DYM: variants seen among roughly 807,000 people sequenced by gnomAD.
DYM encodes dymeclin, also known as dyggve-Melchior-Clausen syndrome protein.
A neutral mutation model predicts 93.1 loss-of-function variants in DYM; 78 were observed. The observed-to-expected ratio is 0.84, with a 90% CI of 0.70 to 1.01. The LOEUF is 1.01. Among genes scored for constraint, DYM ranks in the 50% least tolerant of loss-of-function variants. The pLI, the probability that DYM is intolerant of heterozygous loss-of-function variation, is 0.00. For synonymous variants in DYM, 321 were observed against 319.7 expected (o/e 1.00, Z -0.04); for missense variants, 789 against 845.0 (o/e 0.93, Z 0.82).
At chr18:49,286,048 T>C (rs573549155) in intron 9 of DYM, among the ~76,000 whole-genome samples, 28 of 147,254 alleles carry the variant, frequency 1.9e-4, no homozygotes, top group Non-Finnish European at 3.0e-5. Context: ...TGTTCTAATC[T>C]TTTTTTTTTG....
rs376848041 is a variant in DYM at position 49,257,811 on chromosome 18, G to A, written c.1365+569C>T. Among the ~76,000 whole-genome samples the A allele has an allele frequency of 1.6e-4, 24 of 151,734 alleles. No individual in the cohort carries two copies. In the East Asian group the frequency reaches 3.7e-3, roughly 23 times the overall value. ...TACAGTGAGCTATGATTGTGCCACT[G>A]CACTCCTGTGCAGCCTAGGCTGAAG... On this transcript the variant is annotated intron_variant, in intron 12 of 17. Coordinates refer to ENST00000675505, the MANE Select transcript of DYM (RefSeq NM_001353214.3).
chr18:49,108,806 A>C (rs1014349521), intron 16 of DYM, among the ~76,000 whole-genome samples: 1 of 152,160 alleles, frequency 6.6e-6, no homozygotes, highest in African/African-American at 2.4e-5. Flanking sequence ...ATTACTGAGA[A>C]AGAAGTGTTG....
Position 49,122,150 on chromosome 18 carries a change from A to T in DYM, c.1729-3224T>A, listed in dbSNP as rs531674493. On this transcript the variant is annotated intron_variant, in intron 15 of 17. Transcript: ENST00000675505. The stretch of plus-strand genomic sequence containing the variant: ...TTCCTTGTTTCTATGAATAAGGCTG[A>T]TAAGTCTCCTGGTAGATGTGTTATA... 8.5e-5 allele frequency among the ~76,000 whole-genome samples: 13 copies of T among 152,318 alleles called. No homozygotes were observed. The East Asian group carries it at 2.5e-3, about 29-fold the overall frequency.
At chr18:49,417,143 T>C (rs1290542895) in intron 2 of DYM, among the ~76,000 whole-genome samples, 4 of 152,000 alleles carry the variant, frequency 2.6e-5, no homozygotes, top group Non-Finnish European at 5.9e-5. Context: ...GTGGTAGCGG[T>C]GGTGTTGGTG....
chr18:49,315,288 T>G (rs2061856373), intron 8 of DYM, among the ~76,000 whole-genome samples: 1 of 152,168 alleles, frequency 6.6e-6, no homozygotes, highest in African/African-American at 2.4e-5. Flanking sequence ...TTCCATAAAT[T>G]TAAATTCCCA....
At chr18:49,129,519 T>C (rs1410134038) in intron 15 of DYM, among the ~76,000 whole-genome samples, 1 of 152,072 alleles carries the variant, frequency 6.6e-6, no homozygotes, top group East Asian at 1.9e-4. Flanking sequence ...AAGGAAGAAG[T>C]GGTGTCCACA....
intron 3 of DYM, among the ~76,000 whole-genome samples, chr18:49,388,481 T>A (rs2068851226): frequency 6.6e-6 from 1 of 151,552 alleles, no homozygotes; most frequent in South Asian, 2.1e-4. Context: ...AACAAAACAT[T>A]GAACAGAAGT....
chr18:49,283,677 C>T (rs754174757), intron 9 of DYM, among the ~76,000 whole-genome samples: 5 of 152,174 alleles, frequency 3.3e-5, no homozygotes, highest in Admixed American at 1.3e-4. Flanking sequence ...AATATTTTTA[C>T]GTTCTAAAAA....
At chr18:49,179,536 C>T (rs1421729806) in intron 14 of DYM, among the ~76,000 whole-genome samples, 1 of 152,128 alleles carries the variant, frequency 6.6e-6, no homozygotes, top group East Asian at 1.9e-4. Context: ...CTGTCAAAAC[C>T]ATAAAGTTAT....
At chr18:49,308,833 G>A (rs926533438) in intron 8 of DYM, among the ~76,000 whole-genome samples, 1 of 152,056 alleles carries the variant, frequency 6.6e-6, no homozygotes, top group Non-Finnish European at 1.5e-5. Flanking sequence ...GGCTTCCTGA[G>A]GTTCTACTGC....
Position 49,037,069 on chromosome 18 carries a change from T to C in DYM, c.*6986A>G, listed in dbSNP as rs2070731824. Among the ~76,000 whole-genome samples the C allele has an allele frequency of 6.6e-6, 1 of 152,064 alleles. No homozygotes were observed. The highest frequency in any genetic ancestry group is 1.5e-5 in the Non-Finnish European group (1 of 68,016). ...GATGCCCACCACCACGCCCAGCTAA[T>C]TTTTGTATTTTTAGTAGAGACGGGG... is the stretch of plus-strand genomic sequence containing the variant. On this transcript the variant is annotated 3_prime_UTR_variant, in exon 18 of 18. Coordinates refer to ENST00000675505, the MANE Select transcript of DYM (RefSeq NM_001353214.3).
At chr18:49,252,632 G>A (rs1040621705) in intron 13 of DYM, among the ~76,000 whole-genome samples, 1 of 152,128 alleles carries the variant, frequency 6.6e-6, no homozygotes, top group African/African-American at 2.4e-5. Flanking sequence ...TAAAGTCATA[G>A]ACATATATGT....
intron 10 of DYM, among the ~76,000 whole-genome samples, chr18:49,276,970 G>A (rs1202437125): frequency 6.6e-6 from 1 of 152,136 alleles, no homozygotes; most frequent in East Asian, 1.9e-4. Flanking sequence ...AAGATAATAA[G>A]GAGAGAAAAT....
Position 49,233,313 on chromosome 18 carries a change from C to T in DYM, c.1461-23598G>A, listed in dbSNP as rs1429047232. On this transcript the variant is annotated intron_variant, in intron 13 of 17. Transcript: ENST00000675505. ...GGGAGAGGCTTCAGTGAGCCGAGAT[C>T]AAGCTACTGCACTCCATCCTGGGTG... is the stretch of plus-strand genomic sequence containing the variant. Among the ~76,000 whole-genome samples the T allele has an allele frequency of 2.7e-5, 4 of 147,214 alleles. No homozygotes were observed. The East Asian group carries it at 8.0e-4, about 30-fold the overall frequency.
chr18:49,064,368 C>T (rs1024346291), intron 17 of DYM, among the ~76,000 whole-genome samples: 4 of 152,128 alleles, frequency 2.6e-5, no homozygotes, highest in Non-Finnish European at 5.9e-5. Context: ...TTATTCTATC[C>T]TCCTCAGAAG....
At chr18:49,295,457 A>G (rs2060467613) in intron 8 of DYM, among the ~76,000 whole-genome samples, 2 of 152,194 alleles carry the variant, frequency 1.3e-5, no homozygotes, top group Non-Finnish European at 2.9e-5. Flanking sequence ...CCTTAAAAGG[A>G]AGCTATTTTC....
intron 8 of DYM, among the ~76,000 whole-genome samples, chr18:49,312,388 T>C (rs2061651620): frequency 6.6e-6 from 1 of 152,202 alleles, no homozygotes. Flanking sequence ...GACCCTTTCC[T>C]AATTGGTTTT....
At chr18:49,355,757 G>T (rs1421850911) in intron 6 of DYM, among the ~76,000 whole-genome samples, 1 of 151,676 alleles carries the variant, frequency 6.6e-6, no homozygotes, top group East Asian at 1.9e-4. Context: ...TGTACTTTCT[G>T]CTCAATTTTG....
intron 8 of DYM, among the ~76,000 whole-genome samples, chr18:49,317,453 A>T (rs1045131727): frequency 6.6e-6 from 1 of 152,082 alleles, no homozygotes; most frequent in Non-Finnish European, 1.5e-5. Context: ...ATGGGGCAAC[A>T]GTGAGAAGTG....
Sources: gnomAD v4.1 joint callset for allele counts (sites outside exome capture counted in the v4.1 genomes callset) on GRCh38, gnomAD v4.1.1 for gene constraint, MANE v1.5 for transcripts, NCBI Gene and HGNC (gene_info 2026-07-23, HGNC 2026-07-21) for gene names.